Variants in ZCWPW2 observed in about 807,000 individuals in gnomAD.
ZCWPW2 encodes the protein zinc finger CW-type PWWP domain protein 2.
In ZCWPW2, 45 loss-of-function variants were observed where a neutral mutation model predicts 46.6. The observed-to-expected ratio is 0.96, with a 90% CI of 0.76 to 1.24. The LOEUF (loss-of-function observed/expected upper bound fraction) is 1.24, where lower values mean the gene tolerates loss of function less well. ZCWPW2 is among the 50% of genes most tolerant of loss of function. The pLI, the probability that ZCWPW2 is intolerant of heterozygous loss-of-function variation, is 0.00. For synonymous variants in ZCWPW2, 152 were observed against 137.1 expected (o/e 1.11, Z -0.76); for missense variants, 429 against 403.9 (o/e 1.06, Z -0.53).
chr3:28,433,410 C>G (rs537807374), intron 3 of ZCWPW2, among the ~76,000 whole-genome samples: 4 of 152,216 alleles, frequency 2.6e-5, no homozygotes, highest in Admixed American at 2.6e-4. Flanking sequence ...CATGTTTTCA[C>G]CTTTTATTAA....
At chr3:28,518,716 G>C (rs2125837487) in intron 8 of ZCWPW2, among the ~76,000 whole-genome samples, 1 of 152,246 alleles carries the variant, frequency 6.6e-6, no homozygotes, top group East Asian at 1.9e-4. Context: ...AAAGATGTTT[G>C]TTTGCCGTTT....
chr3:28,526,163 C>A lies in ZCWPW2; in HGVS notation c.*1475C>A, dbSNP rs893964061. Among the ~76,000 whole-genome samples, 2 of 152,088 alleles carry A rather than the reference C, an allele frequency of 1.3e-5. No individual in the cohort carries two copies. The highest frequency in any genetic ancestry group is 2.9e-5 in the Non-Finnish European group (2 of 68,012). On this transcript the variant is annotated 3_prime_UTR_variant, in exon 10 of 10. Coordinates refer to ENST00000383768, the MANE Select transcript of ZCWPW2 (RefSeq NM_001040432.4). ...TTTTTTGTGAAAGTGGTTTGTAAAT[C>A]AATTTGATCTTCTGTTTACTCTTTG...
chr3:28,440,474 G>A (rs1177055900), intron 4 of ZCWPW2, among the ~76,000 whole-genome samples: 3 of 152,138 alleles, frequency 2.0e-5, no homozygotes, highest in African/African-American at 7.2e-5. Context: ...TGTGAATCCT[G>A]GCTGTGGGAG....
At chr3:28,500,591 T>C (rs1700116253) in intron 6 of ZCWPW2, among the ~76,000 whole-genome samples, 1 of 152,130 alleles carries the variant, frequency 6.6e-6, no homozygotes, top group African/African-American at 2.4e-5. Context: ...AGCTATTATG[T>C]TTTCTGATAA....
chr3:28,391,591 G>T (rs568551548), intron 2 of ZCWPW2, among the ~76,000 whole-genome samples: 1 of 152,334 alleles, frequency 6.6e-6, no homozygotes, highest in Non-Finnish European at 1.5e-5. Context: ...ACTAGTATCA[G>T]CAGTGTGGCT....
At chr3:28,434,222 C>T (rs1299167178) in intron 3 of ZCWPW2, among the ~76,000 whole-genome samples, 1 of 152,026 alleles carries the variant, frequency 6.6e-6, no homozygotes, top group African/African-American at 2.4e-5. Flanking sequence ...TGGGTTTTCT[C>T]ACTTCAGAGG....
chr3:28,476,755 G>A lies in ZCWPW2; in HGVS notation c.493-2059G>A, dbSNP rs146185140. 4.4e-3 allele frequency among the ~76,000 whole-genome samples: 671 copies of A among 152,252 alleles called. 6 individuals are homozygous for A. The highest frequency in any genetic ancestry group is 0.015 in the African/African-American group (624 of 41,528). On this transcript the variant is annotated intron_variant, in intron 4 of 9. Coordinates refer to ENST00000383768, the MANE Select transcript of ZCWPW2 (RefSeq NM_001040432.4). The stretch of plus-strand genomic sequence containing the variant: ...AATGTAGAATCGGTGAAAGCACTGA[G>A]CTTGTTTTCCCGCAACTAGAGGGTC...
At chr3:28,441,701 C>T (rs985383085) in intron 4 of ZCWPW2, among the ~76,000 whole-genome samples, 7 of 152,038 alleles carry the variant, frequency 4.6e-5, no homozygotes, top group African/African-American at 1.4e-4. Context: ...TGCTTGAGCC[C>T]GATCACATGT....
At chr3:28,485,699 A>G (rs1699577420) in intron 5 of ZCWPW2, among the ~76,000 whole-genome samples, 1 of 152,150 alleles carries the variant, frequency 6.6e-6, no homozygotes, top group African/African-American at 2.4e-5. Flanking sequence ...AAATTAATAT[A>G]ACTCCTCCTA....
chr3:28,474,586 C>CGT (rs71087699), intron 4 of ZCWPW2, among the ~76,000 whole-genome samples: 20,150 of 135,968 alleles, frequency 0.15, 1,454 homozygotes, highest in Middle Eastern at 0.19. Flanking sequence ...TTAAATACAG[C>CGT]GTGTGTGTGT....
At chr3:28,352,720 C>T (rs2125685311) in intron 1 of ZCWPW2, among the ~76,000 whole-genome samples, 1 of 152,226 alleles carries the variant, frequency 6.6e-6, no homozygotes, top group East Asian at 1.9e-4. Flanking sequence ...AATCGTTACA[C>T]TTGCAAATGT....
chr3:28,372,227 A>G (rs1231520622), intron 1 of ZCWPW2, among the ~76,000 whole-genome samples: 1 of 152,184 alleles, frequency 6.6e-6, no homozygotes, highest in African/African-American at 2.4e-5. Context: ...ATAATTATGA[A>G]GATTGTTGGA....
In ZCWPW2 at chr3:28,486,432, G is replaced by A. The variant is rs1699601880; in HGVS notation, c.611-5695G>A. Among the ~76,000 whole-genome samples the A allele has an allele frequency of 3.9e-5, 6 of 152,032 alleles. No individual in the cohort carries two copies. The South Asian group carries it at 1.3e-3, about 32-fold the overall frequency. On this transcript the variant is annotated intron_variant, in intron 5 of 9. Transcript: ENST00000383768. ...AGTTTTCAGTGCTCTTGTTGTCTTT[G>A]TGTAGATCTGAATTTCTAACCTATA... is the stretch of plus-strand genomic sequence containing the variant.
At chr3:28,362,810 C>G (rs1445721165) in intron 1 of ZCWPW2, among the ~76,000 whole-genome samples, 2 of 152,058 alleles carry the variant, frequency 1.3e-5, no homozygotes, top group African/African-American at 4.8e-5. Flanking sequence ...ATGAATCAAC[C>G]TAAATGCCCA....
intron 3 of ZCWPW2, among the ~76,000 whole-genome samples, chr3:28,413,692 A>G (rs1183611715): frequency 6.6e-6 from 1 of 152,002 alleles, no homozygotes; most frequent in Admixed American, 6.6e-5. Context: ...TTTATTATTC[A>G]TTTTGAAATA....
At chr3:28,440,873 G>A (rs1697725253) in intron 4 of ZCWPW2, among the ~76,000 whole-genome samples, 1 of 152,140 alleles carries the variant, frequency 6.6e-6, no homozygotes, top group Admixed American at 6.5e-5. Flanking sequence ...CCTTTTCCAT[G>A]GTGATAGAGG....
intron 4 of ZCWPW2, among the ~76,000 whole-genome samples, chr3:28,445,381 T>C (rs1231378971): frequency 1.3e-5 from 2 of 151,970 alleles, no homozygotes; most frequent in Admixed American, 6.6e-5. Flanking sequence ...AAACAACATA[T>C]AAAGATGAAA....
In ZCWPW2 at chr3:28,420,601, T is replaced by G. The variant is rs564222067; in HGVS notation, c.332+7201T>G. Among the ~76,000 whole-genome samples the G allele has an allele frequency of 4.6e-5, 7 of 152,044 alleles. No homozygotes were observed. The East Asian group carries it at 1.4e-3, about 29-fold the overall frequency. ...TTTATGTTGTTTTTTTTTTCATTAC[T>G]TGTATTACTTTCTTAATTTCTATTT... On this transcript the variant is annotated intron_variant, in intron 3 of 9. Coordinates refer to ENST00000383768, the MANE Select transcript of ZCWPW2 (RefSeq NM_001040432.4).
intron 1 of ZCWPW2, among the ~76,000 whole-genome samples, chr3:28,382,466 C>G (rs1006019597): frequency 6.6e-6 from 1 of 152,144 alleles, no homozygotes; most frequent in Non-Finnish European, 1.5e-5. Context: ...AAGACCCTAA[C>G]TCCAAGTAGA....
Sources: allele counts gnomAD v4.1 joint callset (sites outside exome capture counted in the v4.1 genomes callset), GRCh38; gene constraint gnomAD v4.1.1; transcripts MANE v1.5; gene names NCBI Gene and HGNC (gene_info 2026-07-23, HGNC 2026-07-21).